Variants in PPFIA2 observed in about 807,000 individuals in gnomAD.
PPFIA2 encodes the protein PPFI scaffold protein A2.
A neutral mutation model predicts 175.5 loss-of-function variants in PPFIA2; 46 were observed. The ratio of observed to expected loss-of-function variants is 0.26; its 90% CI spans 0.21 to 0.34. The LOEUF is 0.34. PPFIA2 is among the 10% of genes least tolerant of loss of function. The probability of loss-of-function intolerance (pLI) is 1.00; values close to 1 mark genes in which losing one functional copy is unlikely to be tolerated. For missense variants in PPFIA2, 1,179 were observed against 1,506.1 expected (o/e 0.78, Z 3.60); for synonymous variants, 568 against 511.4 (o/e 1.11, Z -1.49).
intron 7 of PPFIA2, among the ~76,000 whole-genome samples, chr12:81,435,059 G>C (rs189295238): frequency 1.3e-5 from 2 of 152,042 alleles, no homozygotes; most frequent in Admixed American, 6.6e-5. Flanking sequence ...TTCCAGAAAA[G>C]AACATATAGT....
At chr12:81,538,877 G>A (rs539319023) in intron 4 of PPFIA2, among the ~76,000 whole-genome samples, 1 of 151,994 alleles carries the variant, frequency 6.6e-6, no homozygotes, top group East Asian at 1.9e-4. Context: ...AACAAAAACT[G>A]AGTTTTAGCA....
intron 22 of PPFIA2, among the ~76,000 whole-genome samples, chr12:81,305,669 C>A (rs972612230): frequency 7.2e-5 from 11 of 152,158 alleles, no homozygotes; most frequent in African/African-American, 2.4e-4. Context: ...GTGCAAGACT[C>A]TGGTAGGCCG....
intron 4 of PPFIA2, among the ~76,000 whole-genome samples, chr12:81,537,612 A>T (rs528102839): frequency 1.1e-3 from 174 of 151,956 alleles, no homozygotes; most frequent in African/African-American, 4.1e-3. Flanking sequence ...ACTCTTGGTA[A>T]ACTTAGATGT....
chr12:81,648,584 T>A (rs907971216), intron 4 of PPFIA2, among the ~76,000 whole-genome samples: 1 of 152,036 alleles, frequency 6.6e-6, no homozygotes, highest in South Asian at 2.1e-4. Flanking sequence ...GATTTATATA[T>A]CCTATGTAAT....
intron 16 of PPFIA2, among the ~76,000 whole-genome samples, chr12:81,355,938 C>A (rs1037400121): frequency 6.6e-6 from 1 of 152,168 alleles, no homozygotes; most frequent in Admixed American, 6.5e-5. Flanking sequence ...TTCTTACTTG[C>A]GTGTTGTTTC....
chr12:81,620,003 C>CA (rs1378053154), intron 4 of PPFIA2, among the ~76,000 whole-genome samples: 3 of 151,266 alleles, frequency 2.0e-5, no homozygotes, highest in Non-Finnish European at 4.4e-5. Context: ...ACTGAAAATA[C>CA]AAAAAAATTA....
intron 22 of PPFIA2, among the ~76,000 whole-genome samples, chr12:81,317,202 CA>C (rs1247290947): frequency 1.3e-5 from 2 of 151,228 alleles, no homozygotes; most frequent in African/African-American, 2.4e-5. Flanking sequence ...TAATCAGGAA[CA>C]AAACAAATAG....
chr12:81,362,703 T>C lies in PPFIA2; in HGVS notation c.1627A>G (p.Thr543Ala), dbSNP rs942218802. The change falls in exon 15 of 33, where the codon ACA (threonine) becomes GCA (alanine). Residue 543 changes from threonine (T) to alanine (A), a missense_variant. This residue lies in a region of PPFIA2 where 186 missense variants were observed against 163.6 expected (regional missense o/e 1.14). Transcript: ENST00000549396. ...TTAGTTTAATGTTACCTTGGTATTG[T>C]GGGTTCAATTAAAGAGCCAGTTCTC... ...KMRTGSLIEP[T>A]IPRTHLDTSA... is the part of the protein sequence containing the mutation. 1 of 1,543,512 alleles carries C rather than the reference T, an allele frequency of 6.5e-7. No individual in the cohort carries two copies. Among genetic ancestry groups the C allele is most frequent in the Non-Finnish European group, 8.8e-7 (1 of 1,140,352 alleles).
intron 3 of PPFIA2, among the ~76,000 whole-genome samples, chr12:81,732,523 A>C (rs1403594897): frequency 6.6e-6 from 1 of 150,726 alleles, no homozygotes; most frequent in Non-Finnish European, 1.5e-5. Context: ...TAAAAAAAAA[A>C]AAAAAACACT....
At chr12:81,612,255 G>A (rs2061001607) in intron 4 of PPFIA2, among the ~76,000 whole-genome samples, 1 of 151,942 alleles carries the variant, frequency 6.6e-6, no homozygotes, top group Admixed American at 6.6e-5. Context: ...GCTATGCATA[G>A]GATCGTAGTG....
intron 4 of PPFIA2, among the ~76,000 whole-genome samples, chr12:81,498,249 A>G (rs750187396): frequency 2.0e-5 from 3 of 152,208 alleles, no homozygotes; most frequent in Non-Finnish European, 4.4e-5. Context: ...CTATCAAATA[A>G]ATTAAAATTA....
intron 4 of PPFIA2, among the ~76,000 whole-genome samples, chr12:81,524,699 AC>A (rs2063539940): frequency 1.3e-5 from 2 of 152,310 alleles, no homozygotes; most frequent in South Asian, 4.1e-4. Context: ...ACAAGTTAAT[AC>A]TTTTGGGGTA....
intron 18 of PPFIA2, 30 bp downstream of exon 18, chr12:81,347,503 G>A (rs1194014030): frequency 1.3e-6 from 2 of 1,540,630 alleles, no homozygotes; most frequent in South Asian, 1.1e-5. Context: ...CTTAACAGGA[G>A]GCAAAGGTTC....
intron 4 of PPFIA2, among the ~76,000 whole-genome samples, chr12:81,596,339 A>G (rs573719381): frequency 1.9e-4 from 29 of 152,242 alleles, no homozygotes; most frequent in African/African-American, 6.7e-4. Flanking sequence ...CAAAAAGATA[A>G]ACATCAAAAC....
intron 21 of PPFIA2, among the ~76,000 whole-genome samples, chr12:81,335,453 C>T (rs1402415467): frequency 6.6e-6 from 1 of 151,982 alleles, no homozygotes; most frequent in African/African-American, 2.4e-5. Context: ...CATTGAAAGA[C>T]AATAAATGGC....
intron 9 of PPFIA2, among the ~76,000 whole-genome samples, chr12:81,382,342 T>G (rs1320845334): frequency 1.3e-5 from 2 of 152,082 alleles, no homozygotes; most frequent in Non-Finnish European, 2.9e-5. Context: ...GTTTTGATAA[T>G]AGTGTAAGTA....
intron 4 of PPFIA2, among the ~76,000 whole-genome samples, chr12:81,642,136 G>T (rs2065042721): frequency 6.6e-6 from 1 of 151,904 alleles, no homozygotes; most frequent in Admixed American, 6.6e-5. Flanking sequence ...ATAGATAAAT[G>T]TATTGATATT....
intron 4 of PPFIA2, among the ~76,000 whole-genome samples, chr12:81,544,649 A>C (rs927036431): frequency 3.3e-5 from 5 of 152,156 alleles, no homozygotes. Flanking sequence ...GATTCCACAG[A>C]GAACTGCATG....
intron 26 of PPFIA2, among the ~76,000 whole-genome samples, chr12:81,281,714 T>C (rs1487060976): frequency 1.3e-5 from 2 of 152,088 alleles, no homozygotes; most frequent in Non-Finnish European, 1.5e-5. Context: ...TGTATTTTAT[T>C]AATAAAGAAA....
Sources: gnomAD v4.1 joint callset for allele counts (sites outside exome capture counted in the v4.1 genomes callset) on GRCh38, gnomAD v4.1.1 for gene constraint, gnomAD v4.1.1 regional missense constraint, MANE v1.5 for transcripts, NCBI Gene and HGNC (gene_info 2026-07-23, HGNC 2026-07-21) for gene names.